The following SPAG16 variants were observed in gnomAD, a reference collection of about 807,000 sequenced individuals.
SPAG16 encodes sperm associated antigen 16, also known as sperm-associated antigen 16 protein.
In SPAG16, 86 loss-of-function variants were observed where a neutral mutation model predicts 80.4. The observed-to-expected ratio is 1.07, with a 90% CI of 0.90 to 1.28. The LOEUF (loss-of-function observed/expected upper bound fraction) is 1.28. Among genes scored for constraint, SPAG16 ranks in the 50% most tolerant of loss-of-function variants. The pLI, the probability that SPAG16 is intolerant of heterozygous loss-of-function variation, is 0.00. For missense variants in SPAG16, 870 were observed against 765.3 expected (o/e 1.14, Z -1.61); for synonymous variants, 294 against 265.9 (o/e 1.11, Z -1.03).
chr2:213,456,018 G>A (rs956389395), intron 9 of SPAG16, among the ~76,000 whole-genome samples: 7 of 152,188 alleles, frequency 4.6e-5, no homozygotes, highest in African/African-American at 1.4e-4. Flanking sequence ...CCAACTGCTA[G>A]AATTTGAGTG....
rs542226808 is a variant in SPAG16, at chr2:214,157,794, G to A, written c.1720+8528G>A. On this transcript the variant is annotated intron_variant, in intron 15 of 15. Coordinates refer to ENST00000331683, the MANE Select transcript of SPAG16 (RefSeq NM_024532.5). ...ACAAAATATAATTTATTCAGGAAAC[G>A]AAGTCTTGTTCCTTTCTGATATCAG... 5.9e-5 allele frequency among the ~76,000 whole-genome samples: 9 copies of A among 152,114 alleles called. No homozygotes were observed. In the South Asian group the frequency reaches 1.7e-3, roughly 28 times the overall value.
At chr2:214,231,038 C>T (rs1382982372) in intron 15 of SPAG16, among the ~76,000 whole-genome samples, 1 of 151,802 alleles carries the variant, frequency 6.6e-6, no homozygotes, top group Non-Finnish European at 1.5e-5. Context: ...CAAGTTCTAA[C>T]CCGCTTCAGT....
At chr2:213,677,135 A>T (rs923201031) in intron 10 of SPAG16, among the ~76,000 whole-genome samples, 1 of 152,170 alleles carries the variant, frequency 6.6e-6, no homozygotes, top group Non-Finnish European at 1.5e-5. Context: ...CGAGGAAAGG[A>T]ACAACCGGTA....
chr2:213,931,553 CAG>C (rs2078751881), intron 12 of SPAG16, among the ~76,000 whole-genome samples: 1 of 152,086 alleles, frequency 6.6e-6, no homozygotes, highest in African/African-American at 2.4e-5. Flanking sequence ...TAATAGAAAA[CAG>C]TGATCTTTTC....
intron 10 of SPAG16, among the ~76,000 whole-genome samples, chr2:213,810,720 C>T (rs1243999978): frequency 2.6e-5 from 4 of 152,128 alleles, no homozygotes; most frequent in Non-Finnish European, 5.9e-5. Flanking sequence ...TCTTTAGTTT[C>T]GTGGTGCGGA....
intron 10 of SPAG16, among the ~76,000 whole-genome samples, chr2:213,562,114 G>A (rs762725469): frequency 1.3e-5 from 2 of 152,156 alleles, no homozygotes; most frequent in Admixed American, 6.6e-5. Context: ...ATGGCCAGAC[G>A]ATTGAATATT....
chr2:214,088,681 A>T (rs960257287), intron 13 of SPAG16, among the ~76,000 whole-genome samples: 1 of 152,092 alleles, frequency 6.6e-6, no homozygotes, highest in Admixed American at 6.6e-5. Context: ...AGAAAACTTG[A>T]ATAGAACCAT....
chr2:214,108,473 ACACACACC>A (rs1412412226), intron 14 of SPAG16, among the ~76,000 whole-genome samples: 3 of 87,504 alleles, frequency 3.4e-5, no homozygotes, highest in African/African-American at 1.5e-4. Flanking sequence ...ACACACACAC[ACACACACC>A]CCCACACACA....
intron 15 of SPAG16, among the ~76,000 whole-genome samples, chr2:214,170,404 G>C (rs1323043110): frequency 6.6e-6 from 1 of 151,914 alleles, no homozygotes; most frequent in African/African-American, 2.4e-5. Flanking sequence ...TGATTAGCTT[G>C]CTCCTGCAGA....
At chr2:213,449,647 A>G (rs926879416) in intron 9 of SPAG16, among the ~76,000 whole-genome samples, 1 of 152,184 alleles carries the variant, frequency 6.6e-6, no homozygotes, top group African/African-American at 2.4e-5. Context: ...AGTTCCCCCA[A>G]TAGATAGGAG....
At chr2:214,182,472 T>C (rs16851568) in intron 15 of SPAG16, among the ~76,000 whole-genome samples, 23,238 of 151,822 alleles carry the variant, frequency 0.15, 3,496 homozygotes, top group East Asian at 0.46. Context: ...AGTCTCACAA[T>C]TGTTTCTTCT....
At chr2:214,257,049 TG>T (rs1427246207) in intron 15 of SPAG16, among the ~76,000 whole-genome samples, 1 of 151,974 alleles carries the variant, frequency 6.6e-6, no homozygotes, top group African/African-American at 2.4e-5. Context: ...ATGAATCTCA[TG>T]ACTTATTTAG....
At chr2:214,396,396 C>T (rs545889003) in intron 15 of SPAG16, among the ~76,000 whole-genome samples, 77 of 152,094 alleles carry the variant, frequency 5.1e-4, no homozygotes, top group African/African-American at 1.6e-3. Context: ...ATACTTTGTG[C>T]TTCTCTGATA....
chr2:213,630,425 G>T (rs1212307892), intron 10 of SPAG16, among the ~76,000 whole-genome samples: 3 of 151,742 alleles, frequency 2.0e-5, no homozygotes, highest in African/African-American at 7.3e-5. Context: ...CAGATGAACT[G>T]ATATTGAGGG....
intron 10 of SPAG16, among the ~76,000 whole-genome samples, chr2:213,598,487 G>A (rs2060953662): frequency 6.6e-6 from 1 of 152,138 alleles, no homozygotes; most frequent in Non-Finnish European, 1.5e-5. Context: ...GTAAAATTTA[G>A]GGTACTAAAC....
intron 13 of SPAG16, among the ~76,000 whole-genome samples, chr2:214,089,407 G>T (rs1165240505): frequency 1.3e-5 from 2 of 151,990 alleles, no homozygotes; most frequent in Non-Finnish European, 2.9e-5. Context: ...CTCAAGAAAT[G>T]GTAAAGATCA....
intron 10 of SPAG16, among the ~76,000 whole-genome samples, chr2:213,509,424 G>A (rs1356038493): frequency 6.6e-6 from 1 of 151,980 alleles, no homozygotes; most frequent in South Asian, 2.1e-4. Flanking sequence ...AGAGAATTAA[G>A]GTCAAAAACA....
rs61056930 is a variant in SPAG16, at chr2:213,398,168, G to GTT, written c.942+23061_942+23062dup. Among the ~76,000 whole-genome samples, 18 of 138,898 alleles carry GTT rather than the reference G, an allele frequency of 1.3e-4. 1 individual carries two copies. The highest frequency in any genetic ancestry group is 3.1e-4 in the African/African-American group (12 of 38,746). The allele number at this position is 138,898 out of a possible 152,430, so 91.1% of individuals were successfully genotyped here. On this transcript the variant is annotated intron_variant, in intron 9 of 15. Coordinates refer to ENST00000331683, the MANE Select transcript of SPAG16 (RefSeq NM_024532.5). ...CTTACCACTAGCACTTTTGCTCTCT[G>GTT]TTTTTTTTTTTTTGCCACCGTCTGT...
intron 15 of SPAG16, among the ~76,000 whole-genome samples, chr2:214,399,430 G>T (rs1263192675): frequency 6.6e-6 from 1 of 151,988 alleles, no homozygotes; most frequent in Non-Finnish European, 1.5e-5. Flanking sequence ...CTAAAATTAG[G>T]ATGTAATTAT....
Sources: gnomAD v4.1 joint callset for allele counts (sites outside exome capture counted in the v4.1 genomes callset) on GRCh38, gnomAD v4.1.1 for gene constraint, MANE v1.5 for transcripts, NCBI Gene and HGNC (gene_info 2026-07-23, HGNC 2026-07-21) for gene names.